The following CHCHD6 variants were observed in gnomAD, a reference collection of about 807,000 sequenced individuals.
CHCHD6 encodes the protein coiled-coil-helix-coiled-coil-helix domain containing 6.
In CHCHD6, 28 loss-of-function variants were observed where a neutral mutation model predicts 32.3. The observed-to-expected ratio is 0.87, with a 90% CI of 0.64 to 1.19. The LOEUF (loss-of-function observed/expected upper bound fraction) is 1.19. Among genes scored for constraint, CHCHD6 ranks in the 50% most tolerant of loss-of-function variants. The pLI is 0.00. For synonymous variants in CHCHD6, 122 were observed against 117.5 expected (o/e 1.04, Z -0.25); for missense variants, 333 against 307.0 (o/e 1.08, Z -0.63).
At chr3:126,856,475 G>A (rs1941670871) in intron 5 of CHCHD6, among the ~76,000 whole-genome samples, 1 of 152,214 alleles carries the variant, frequency 6.6e-6, no homozygotes, top group Admixed American at 6.5e-5. Flanking sequence ...GACTGCTTGT[G>A]CTGGCTTGAG....
intron 6 of CHCHD6, among the ~76,000 whole-genome samples, chr3:126,931,038 GC>G (rs1301589972): frequency 6.6e-6 from 1 of 152,222 alleles, no homozygotes; most frequent in Non-Finnish European, 1.5e-5. Context: ...CAGACTGGCT[GC>G]CCTGTCATCA....
chr3:126,853,606 A>G lies in CHCHD6; in HGVS notation c.495+876A>G, dbSNP rs569953712. ...ATATGGGTTTCTGGATTTCCAGGCC[A>G]TGGGGAAAAGAGGGAGGTTCTTCCT... On this transcript the variant is annotated intron_variant, in intron 5 of 7. Coordinates refer to ENST00000290913, the MANE Select transcript of CHCHD6 (RefSeq NM_032343.3). 5.1e-4 allele frequency among the ~76,000 whole-genome samples: 78 copies of G among 152,276 alleles called. No homozygotes were observed. The South Asian group carries it at 0.012, about 23-fold the overall frequency.
chr3:126,770,186 T>C (rs970332823), intron 4 of CHCHD6, among the ~76,000 whole-genome samples: 8 of 152,228 alleles, frequency 5.3e-5, no homozygotes, highest in Admixed American at 3.3e-4. Flanking sequence ...TTTTTGTATG[T>C]TGCTTTTGTA....
chr3:126,793,827 TCTTTA>T (rs1313489645), intron 4 of CHCHD6, among the ~76,000 whole-genome samples: 1 of 152,124 alleles, frequency 6.6e-6, no homozygotes. Flanking sequence ...CTTCACTAAG[TCTTTA>T]CTTTTCTTTC....
rs556430716 is a variant in CHCHD6, at chr3:126,784,452, A to G, written c.411+51230A>G. Among the ~76,000 whole-genome samples, 4 of 152,220 alleles carry G rather than the reference A, an allele frequency of 2.6e-5. No individual in the cohort carries two copies. The East Asian group carries it at 5.8e-4, about 22-fold the overall frequency. ...CTCCTCCTGCTAGCACTCATTATAC[A>G]TAATACCTGCCCCCACTGCCTTGCT... On this transcript the variant is annotated intron_variant, in intron 4 of 7. Coordinates refer to ENST00000290913, the MANE Select transcript of CHCHD6 (RefSeq NM_032343.3).
chr3:126,904,696 C>G (rs542840272), intron 5 of CHCHD6, among the ~76,000 whole-genome samples: 43 of 152,318 alleles, frequency 2.8e-4, no homozygotes, highest in Non-Finnish European at 6.2e-4. Flanking sequence ...TTGGACTCCC[C>G]ATCATGGCAC....
intron 5 of CHCHD6, among the ~76,000 whole-genome samples, chr3:126,862,283 T>C (rs1220528179): frequency 7.0e-4 from 43 of 61,276 alleles, no homozygotes; most frequent in Non-Finnish European, 7.7e-4. Flanking sequence ...TCCTCTACCA[T>C]CACCACCTCC....
intron 4 of CHCHD6, among the ~76,000 whole-genome samples, chr3:126,840,898 A>AT (rs536994626): frequency 0.019 from 2,900 of 148,816 alleles, 95 homozygotes; most frequent in African/African-American, 0.066. Flanking sequence ...TTTTTAATTT[A>AT]TTTTTTTTAT....
chr3:126,809,548 C>T (rs1023143772), intron 4 of CHCHD6, among the ~76,000 whole-genome samples: 19 of 152,178 alleles, frequency 1.2e-4, no homozygotes, highest in Non-Finnish European at 4.4e-5. Context: ...AGTTTTCACT[C>T]AGAATTGTGT....
intron 6 of CHCHD6, among the ~76,000 whole-genome samples, chr3:126,936,518 A>G (rs913405810): frequency 2.0e-5 from 3 of 152,204 alleles, no homozygotes; most frequent in Non-Finnish European, 4.4e-5. Context: ...CTATTTCTCT[A>G]TATTTTGTCA....
In CHCHD6 at chr3:126,811,385, A is replaced by AGT. The variant is rs555858512; in HGVS notation, c.412-41260_412-41259dup. Among the ~76,000 whole-genome samples, 297 of 152,304 alleles carry AGT rather than the reference A, an allele frequency of 2.0e-3. 1 individual carries two copies. The highest frequency in any genetic ancestry group is 6.7e-3 in the African/African-American group (277 of 41,560). The stretch of plus-strand genomic sequence containing the variant: ...GTTAATACATTTTCTTATTTTTCTA[A>AGT]GTGAGAAATCCAGGGTTTTATATGA... On this transcript the variant is annotated intron_variant, in intron 4 of 7. Transcript: ENST00000290913.
intron 7 of CHCHD6, among the ~76,000 whole-genome samples, 165 bp from the exon 8 acceptor site, chr3:126,960,031 G>A (rs532504906): frequency 4.5e-4 from 69 of 152,284 alleles, no homozygotes; most frequent in African/African-American, 1.6e-3. Flanking sequence ...GCTGGGCTCC[G>A]GGGTACAGAG....
intron 4 of CHCHD6, among the ~76,000 whole-genome samples, chr3:126,821,466 T>C (rs553116691): frequency 2.6e-4 from 40 of 152,252 alleles, no homozygotes; most frequent in Non-Finnish European, 5.0e-4. Flanking sequence ...GGCTAATTTT[T>C]TGTATTTTTA....
chr3:126,779,411 C>T (rs867271190), intron 4 of CHCHD6, among the ~76,000 whole-genome samples: 4 of 152,046 alleles, frequency 2.6e-5, no homozygotes, highest in Middle Eastern at 3.4e-3. Context: ...GTGGCGCGTG[C>T]CTGTACTCCC....
chr3:126,861,017 G>A (rs1387494392), intron 5 of CHCHD6, among the ~76,000 whole-genome samples: 1 of 152,138 alleles, frequency 6.6e-6, no homozygotes, highest in Non-Finnish European at 1.5e-5. Context: ...GCCTTATAGA[G>A]ATGATGAAGT....
intron 5 of CHCHD6, among the ~76,000 whole-genome samples, chr3:126,861,530 ACAC>A (rs997416660): frequency 6.6e-6 from 1 of 150,692 alleles, no homozygotes; most frequent in Admixed American, 6.6e-5. Context: ...ACCACTACCA[ACAC>A]CACCACCACC....
intron 5 of CHCHD6, among the ~76,000 whole-genome samples, chr3:126,900,030 T>C (rs1039188282): frequency 1.3e-5 from 2 of 152,232 alleles, no homozygotes; most frequent in African/African-American, 4.8e-5. Flanking sequence ...CCAGATCTTA[T>C]TTGTTAAATT....
At chr3:126,737,772 C>T (rs996148223) in intron 4 of CHCHD6, among the ~76,000 whole-genome samples, 2 of 151,956 alleles carry the variant, frequency 1.3e-5, no homozygotes, top group Admixed American at 1.3e-4. Context: ...GCAAAGGCCA[C>T]GCATTTGGGG....
intron 6 of CHCHD6, chr3:126,935,128 T>G (rs2078460621): frequency 1.0e-6 from 1 of 987,536 alleles, no homozygotes; most frequent in Non-Finnish European, 1.2e-6. Context: ...ACCTGCTGTC[T>G]CCGGCCACCT....
Sources: allele counts gnomAD v4.1 joint callset (sites outside exome capture counted in the v4.1 genomes callset), GRCh38; gene constraint gnomAD v4.1.1; transcripts MANE v1.5; gene names NCBI Gene and HGNC (gene_info 2026-07-23, HGNC 2026-07-21).